Variants in CSMD1 observed in about 807,000 individuals in gnomAD.
CSMD1 encodes the protein CUB and Sushi multiple domains 1.
CSMD1 carries 213 observed loss-of-function variants against 417.5 expected under a neutral mutation model. The ratio of observed to expected loss-of-function variants is 0.51; its 90% CI spans 0.46 to 0.57. The LOEUF is 0.57. Among genes scored for constraint, CSMD1 ranks in the 20% least tolerant of loss-of-function variants. CSMD1 has a pLI of 0.00. For synonymous variants in CSMD1, 2,862 were observed against 1,736.8 expected (o/e 1.65, Z -16.11); for missense variants, 6,923 against 4,529.7 (o/e 1.53, Z -15.17).
chr8:3,248,472 G>T (rs1048089032), intron 26 of CSMD1, among the ~76,000 whole-genome samples: 1 of 149,198 alleles, frequency 6.7e-6, no homozygotes, highest in Admixed American at 6.7e-5. Context: ...GGAAAATCCA[G>T]TGACATCAGT....
intron 12 of CSMD1, among the ~76,000 whole-genome samples, chr8:3,448,527 G>A (rs1033527391): frequency 1.3e-5 from 2 of 151,782 alleles, no homozygotes; most frequent in Non-Finnish European, 2.9e-5. Context: ...AGGCTGCTGT[G>A]GGTTTATTAA....
intron 10 of CSMD1, among the ~76,000 whole-genome samples, chr8:3,507,678 CT>C (rs1796886319): frequency 1.3e-5 from 2 of 152,146 alleles, no homozygotes; most frequent in African/African-American, 2.4e-5. Flanking sequence ...TGTTTCCTGA[CT>C]TTTTAATGAT....
chr8:4,904,885 T>G (rs1233099956), intron 1 of CSMD1, among the ~76,000 whole-genome samples: 1 of 152,184 alleles, frequency 6.6e-6, no homozygotes, highest in Non-Finnish European at 1.5e-5. Context: ...ATTCATTTAT[T>G]TTCCAATGAA....
chr8:3,745,374 C>G (rs1294228849), intron 6 of CSMD1, among the ~76,000 whole-genome samples: 1 of 152,134 alleles, frequency 6.6e-6, no homozygotes, highest in African/African-American at 2.4e-5. Context: ...AGCTGACCAG[C>G]AGGAGGGAAC....
chr8:4,912,122 C>CAAAAAAAA (rs36194482), intron 1 of CSMD1, among the ~76,000 whole-genome samples: 11 of 84,564 alleles, frequency 1.3e-4, no homozygotes, highest in South Asian at 4.3e-4. Context: ...AACATAGCTT[C>CAAAAAAAA]AAAAAAAAAA....
At chr8:3,433,548 C>T (rs900640571) in intron 12 of CSMD1, among the ~76,000 whole-genome samples, 2 of 152,094 alleles carry the variant, frequency 1.3e-5, no homozygotes, top group Admixed American at 6.6e-5. Flanking sequence ...TTCTTTCGGA[C>T]AGTCTAAATT....
chr8:4,249,758 T>G (rs899318013), intron 3 of CSMD1, among the ~76,000 whole-genome samples: 1 of 150,552 alleles, frequency 6.6e-6, no homozygotes, highest in Non-Finnish European at 1.5e-5. Context: ...AGTCTATTAA[T>G]GGGGGAATTA....
intron 7 of CSMD1, among the ~76,000 whole-genome samples, chr8:3,664,501 A>G (rs534283971): frequency 1.7e-4 from 26 of 152,336 alleles, no homozygotes; most frequent in Middle Eastern, 3.4e-3. Flanking sequence ...AGAATATGTA[A>G]AATATCCTCC....
At chr8:3,231,579 A>G (rs2116914387) in intron 26 of CSMD1, among the ~76,000 whole-genome samples, 1 of 152,338 alleles carries the variant, frequency 6.6e-6, no homozygotes, top group Middle Eastern at 3.4e-3. Flanking sequence ...AAGTTAGAAG[A>G]TATATAAAAA....
At chr8:3,316,847 G>C (rs768960322) in intron 23 of CSMD1, among the ~76,000 whole-genome samples, 1 of 152,080 alleles carries the variant, frequency 6.6e-6, no homozygotes, top group Admixed American at 6.6e-5. Context: ...AAGTATATTC[G>C]TATTTCAGAG....
intron 2 of CSMD1, among the ~76,000 whole-genome samples, chr8:4,570,833 C>A (rs1369380887): frequency 6.6e-6 from 1 of 152,088 alleles, no homozygotes; most frequent in South Asian, 2.1e-4. Context: ...TGTTATTGGT[C>A]TATTTCGGGA....
chr8:4,145,712 A>G (rs554642147), intron 3 of CSMD1, among the ~76,000 whole-genome samples: 2 of 150,936 alleles, frequency 1.3e-5, no homozygotes, highest in Admixed American at 6.6e-5. Flanking sequence ...CTTAATGAAG[A>G]ACATATATTT....
chr8:3,442,279 G>A (rs1815034772), intron 12 of CSMD1, among the ~76,000 whole-genome samples: 1 of 152,074 alleles, frequency 6.6e-6, no homozygotes, highest in Admixed American at 6.6e-5. Flanking sequence ...ATAAATAAAT[G>A]TACTGTAGCC....
chr8:4,792,983 A>AATATATATATATATATATAT (rs34947549), intron 1 of CSMD1, among the ~76,000 whole-genome samples: 2 of 148,582 alleles, frequency 1.3e-5, no homozygotes, highest in African/African-American at 5.0e-5. Flanking sequence ...ATGTGTATGC[A>AATATATATATATATATATAT]ATATATATAT....
At chr8:3,209,543 T>C (rs919375491) in intron 30 of CSMD1, among the ~76,000 whole-genome samples, 11 of 152,020 alleles carry the variant, frequency 7.2e-5, no homozygotes, top group Non-Finnish European at 8.8e-5. Context: ...ATGTTATTGA[T>C]CTCCTGACCT....
intron 51 of CSMD1, 82 bp from the exon 52 acceptor site, chr8:3,018,732 C>A: frequency 3.2e-6 from 4 of 1,263,090 alleles, no homozygotes; most frequent in South Asian, 1.5e-5. Context: ...CAAAAACAAA[C>A]AAAAAAAACC....
At chr8:3,189,619 T>A (rs1462482497) in intron 34 of CSMD1, among the ~76,000 whole-genome samples, 1 of 152,178 alleles carries the variant, frequency 6.6e-6, no homozygotes, top group Non-Finnish European at 1.5e-5. Context: ...TGATAATGGT[T>A]TTTTCCCAAA....
intron 3 of CSMD1, among the ~76,000 whole-genome samples, chr8:4,083,322 T>C (rs888315382): frequency 3.9e-5 from 6 of 152,156 alleles, no homozygotes; most frequent in Admixed American, 1.3e-4. Context: ...TGGTGTGAGA[T>C]GGTATCTCAT....
At chr8:3,856,224 T>G (rs1182269938) in intron 5 of CSMD1, among the ~76,000 whole-genome samples, 4 of 152,024 alleles carry the variant, frequency 2.6e-5, no homozygotes, top group Admixed American at 6.6e-5. Flanking sequence ...ATAAAAGCTG[T>G]TTGTGTAGCA....
Sources: allele counts gnomAD v4.1 joint callset (sites outside exome capture counted in the v4.1 genomes callset), GRCh38; gene constraint gnomAD v4.1.1; transcripts MANE v1.5; gene names NCBI Gene and HGNC (gene_info 2026-07-23, HGNC 2026-07-21).